Variants in IGF1R observed in about 807,000 individuals in gnomAD.
IGF1R encodes the protein insulin like growth factor 1 receptor, also known as insulin-like growth factor 1 receptor.
In IGF1R, 44 loss-of-function variants were observed where a neutral mutation model predicts 144.6. The ratio of observed to expected loss-of-function variants is 0.30; its 90% CI spans 0.24 to 0.39. The LOEUF is 0.39. Among genes scored for constraint, IGF1R ranks in the 10% least tolerant of loss-of-function variants. The pLI is 1.00. For missense variants in IGF1R, 1,355 were observed against 1,833.7 expected, an observed-to-expected ratio of 0.74 and a Z score of 4.77; for synonymous variants, 795 against 722.8, an observed-to-expected ratio of 1.10 and a Z score of -1.60.
chr15:98,923,376 T>G (rs1168473166), intron 11 of IGF1R, among the ~76,000 whole-genome samples: 1 of 152,218 alleles, frequency 6.6e-6, no homozygotes, highest in Non-Finnish European at 1.5e-5. Context: ...GCATAAAAAT[T>G]GCAGTTGCCG....
chr15:98,749,754 G>C (rs1396537383), intron 2 of IGF1R, among the ~76,000 whole-genome samples: 1 of 152,208 alleles, frequency 6.6e-6, no homozygotes, highest in African/African-American at 2.4e-5. Flanking sequence ...TTTGGCTGCT[G>C]CTAGGCTGCT....
chr15:98,753,021 C>T (rs1201322418), intron 2 of IGF1R, among the ~76,000 whole-genome samples: 17 of 148,794 alleles, frequency 1.1e-4, no homozygotes, highest in Non-Finnish European at 2.4e-4. Context: ...CTGCAACCTC[C>T]GCCTCCAGGG....
intron 1 of IGF1R, among the ~76,000 whole-genome samples, chr15:98,665,924 C>CT (rs35695246): frequency 0.75 from 113,398 of 152,184 alleles, 46,609 homozygotes; most frequent in Non-Finnish European, 0.9. Context: ...CTTGAATGGT[C>CT]TTGCTAAGCG....
intron 2 of IGF1R, among the ~76,000 whole-genome samples, chr15:98,842,288 G>A (rs2011188034): frequency 1.3e-5 from 2 of 152,134 alleles, no homozygotes; most frequent in South Asian, 2.1e-4. Context: ...AGAAACTTCT[G>A]TATTAAAACT....
intron 1 of IGF1R, among the ~76,000 whole-genome samples, chr15:98,698,973 G>A (rs1363394641): frequency 6.6e-6 from 1 of 152,244 alleles, no homozygotes; most frequent in African/African-American, 2.4e-5. Flanking sequence ...GATGTGAACT[G>A]TAACTGGAAT....
intron 15 of IGF1R, 102 bp from the exon 16 acceptor site, chr15:98,934,722 A>G (rs1389346399): frequency 1.0e-5 from 10 of 957,902 alleles, no homozygotes; most frequent in Non-Finnish European, 1.7e-5. Context: ...CTGTGGGTTT[A>G]AGGAAGCAGC....
At chr15:98,849,826 T>C (rs2011470562) in intron 2 of IGF1R, among the ~76,000 whole-genome samples, 1 of 152,210 alleles carries the variant, frequency 6.6e-6, no homozygotes. Context: ...ATTTCACTCA[T>C]ACGAGAAATG....
chr15:98,754,470 T>G (rs979991851), intron 2 of IGF1R, among the ~76,000 whole-genome samples: 1 of 152,224 alleles, frequency 6.6e-6, no homozygotes, highest in Non-Finnish European at 1.5e-5. Context: ...AAGGTTGGTG[T>G]TGTGGTTGTG....
At chr15:98,955,017 G>T (rs547032947) in intron 20 of IGF1R, among the ~76,000 whole-genome samples, 1 of 152,112 alleles carries the variant, frequency 6.6e-6, no homozygotes, top group Admixed American at 6.5e-5. Context: ...ATTCTGTTGC[G>T]CAGAGAACTC....
chr15:98,868,901 G>C (rs1424335136), intron 2 of IGF1R, among the ~76,000 whole-genome samples: 1 of 152,142 alleles, frequency 6.6e-6, no homozygotes, highest in East Asian at 1.9e-4. Context: ...CCTTGAGAGA[G>C]GATTATCTTC....
Position 98,963,196 on chromosome 15 carries a change from ATGTG to A in IGF1R, c.*5758_*5761del, listed in dbSNP as rs774661600. ...ACTTTTTTTTTCTCTGTGTGTGCAA[ATGTG>A]TGTTTGTGATCCATTTTTTTTTTTT... On this transcript the variant is annotated 3_prime_UTR_variant, in exon 21 of 21. Transcript: ENST00000650285. The A allele has an allele frequency of 4.4e-6, 1 of 227,660 alleles. No homozygotes were observed. Among genetic ancestry groups the A allele is most frequent in the African/African-American group, 2.3e-5 (1 of 42,924 alleles). 14.1% of individuals were successfully genotyped at this position (227,660 alleles called of 1,614,324 possible).
At chr15:98,788,943 T>G (rs12908948) in intron 2 of IGF1R, among the ~76,000 whole-genome samples, 7,829 of 152,300 alleles carry the variant, frequency 0.051, 313 homozygotes, top group East Asian at 0.13. Flanking sequence ...TGAAGAATTT[T>G]TATGCTCCAT....
Position 98,935,539 on chromosome 15 carries a change from A to G in IGF1R, c.3297+113A>G, listed in dbSNP as rs757808079. On this transcript the variant is annotated intron_variant, in intron 17 of 20. Transcript: ENST00000650285. The surrounding 1 kb of genome is among the most constrained non-coding windows in gnomAD (Gnocchi z 4.2). ...TAAATCAGTTTACTTTCCAGCATCC[A>G]GTGTTTCTTACTGCATGCTCAGTTG... 10 of 753,614 alleles carry G rather than the reference A, an allele frequency of 1.3e-5. No individual in the cohort carries two copies. The highest frequency in any genetic ancestry group is 2.4e-5 in the Non-Finnish European group (10 of 419,230). The allele number at this position is 753,614 out of a possible 1,614,324, so 46.7% of individuals were successfully genotyped here. A position where few individuals can be genotyped will look rare whatever the true frequency, so the allele number is the denominator to read the frequency against.
At chr15:98,884,701 A>AG (rs1252559692) in intron 2 of IGF1R, among the ~76,000 whole-genome samples, 9 of 151,394 alleles carry the variant, frequency 5.9e-5, no homozygotes, top group Admixed American at 2.6e-4. Context: ...AAAAAAAAAA[A>AG]AAAGAAATTC....
chr15:98,908,914 C>G lies in IGF1R; in HGVS notation c.1462+15C>G, dbSNP rs34313885. On this transcript the variant is annotated intron_variant, in intron 6 of 20. Transcript: ENST00000650285. Reference sequence around the variant, plus strand: ...GAGAGCCTCCTGTGAGTGACAGCATCCAAAACACCGTGGGCCCAACCATCA... The same window carrying G: ...GAGAGCCTCCTGTGAGTGACAGCATGCAAAACACCGTGGGCCCAACCATCA... 2,150 of 1,607,496 alleles carry G rather than the reference C, an allele frequency of 1.3e-3. 6 individuals carry two copies. The highest frequency in any genetic ancestry group is 1.7e-3 in the Non-Finnish European group (1,960 of 1,175,426).
intron 2 of IGF1R, among the ~76,000 whole-genome samples, chr15:98,725,331 C>A (rs574280466): frequency 1.7e-4 from 26 of 152,238 alleles, no homozygotes; most frequent in African/African-American, 5.1e-4. Flanking sequence ...CAAAAACACA[C>A]AAAAAAACCA....
rs35151840 is a variant in IGF1R, at chr15:98,963,213, ATTTTTTT to A, written c.*5783_*5789del. The stretch of plus-strand genomic sequence containing the variant: ...GTGTGCAAATGTGTGTTTGTGATCC[ATTTTTTT>A]TTTTTTTTTTTAGGACACCTGTTTA... On this transcript the variant is annotated 3_prime_UTR_variant, in exon 21 of 21. Transcript: ENST00000650285. The A allele has an allele frequency of 1.9e-5, 4 of 212,276 alleles. No homozygotes were observed. The highest frequency in any genetic ancestry group is 6.2e-5 in the Admixed American group (1 of 16,012). The allele number at this position is 212,276 out of a possible 1,614,324, so 13.1% of individuals were successfully genotyped here.
At chr15:98,889,095 A>C (rs550972686) in intron 2 of IGF1R, among the ~76,000 whole-genome samples, 1 of 152,306 alleles carries the variant, frequency 6.6e-6, no homozygotes, top group East Asian at 1.9e-4. Context: ...CTCTAGCTAC[A>C]AGGAAGGCTG....
chr15:98,673,098 G>T (rs1296140189), intron 1 of IGF1R, among the ~76,000 whole-genome samples: 1 of 152,160 alleles, frequency 6.6e-6, no homozygotes, highest in Non-Finnish European at 1.5e-5. Context: ...GGGCTCAAGT[G>T]ATCCTCTTGC....
Sources: gnomAD v4.1 joint callset for allele counts (sites outside exome capture counted in the v4.1 genomes callset) on GRCh38, gnomAD v4.1.1 for gene constraint, Gnocchi (gnomAD v3.1) non-coding constraint, MANE v1.5 for transcripts, NCBI Gene and HGNC (gene_info 2026-07-23, HGNC 2026-07-21) for gene names.